NRG1: variants seen among roughly 807,000 people sequenced by gnomAD.
The protein encoded by NRG1 is neuregulin 1, also known as pro-neuregulin-1, membrane-bound isoform.
Under a neutral mutation model 63.8 loss-of-function variants are expected in NRG1, and 18 were observed. That is an observed-to-expected ratio of 0.28 (90% CI 0.19 to 0.42). The LOEUF (loss-of-function observed/expected upper bound fraction) is 0.42, where lower values mean the gene tolerates loss of function less well. Ranked by LOEUF, NRG1 falls within the 10% of genes least tolerant of loss-of-function variation. The pLI is 1.00. For missense variants in NRG1, 762 were observed against 814.7 expected (o/e 0.94, Z 0.79); for synonymous variants, 302 against 301.3 (o/e 1.00, Z -0.02).
At chr8:31,726,172 G>T (rs1471345438) in intron 1 of NRG1, among the ~76,000 whole-genome samples, 1 of 151,994 alleles carries the variant, frequency 6.6e-6, no homozygotes, top group Admixed American at 6.6e-5. Context: ...GAACAGTCTG[G>T]TACAAAGTAT....
At chr8:32,295,772 A>C (rs1854769149) in intron 1 of NRG1, among the ~76,000 whole-genome samples, 1 of 151,834 alleles carries the variant, frequency 6.6e-6, no homozygotes, top group Non-Finnish European at 1.5e-5. Flanking sequence ...ACATGGTAGA[A>C]CCTCGTCTTT....
At chr8:31,813,041 C>T (rs1823038655) in intron 1 of NRG1, among the ~76,000 whole-genome samples, 2 of 152,144 alleles carry the variant, frequency 1.3e-5, no homozygotes, top group African/African-American at 4.8e-5. Context: ...TCCACGTTCT[C>T]ATCACTCTCT....
intron 1 of NRG1, among the ~76,000 whole-genome samples, chr8:32,019,139 C>T (rs1816039695): frequency 6.6e-6 from 1 of 152,112 alleles, no homozygotes; most frequent in South Asian, 2.1e-4. Flanking sequence ...CACTCTATAA[C>T]CCAGGCTGGA....
At chr8:32,663,142 A>ATTCATCTTG (rs1444770813) in intron 5 of NRG1, among the ~76,000 whole-genome samples, 1 of 152,120 alleles carries the variant, frequency 6.6e-6, no homozygotes, top group Non-Finnish European at 1.5e-5. Context: ...TTTCTTTTTA[A>ATTCATCTTG]TTCATCTTGT....
intron 1 of NRG1, among the ~76,000 whole-genome samples, chr8:31,940,740 A>G (rs1801624309): frequency 6.6e-6 from 1 of 152,180 alleles, no homozygotes; most frequent in African/African-American, 2.4e-5. Context: ...CCATAAAAAT[A>G]CAAAAGATTA....
intron 5 of NRG1, among the ~76,000 whole-genome samples, chr8:32,618,951 G>C (rs1452904810): frequency 6.6e-6 from 1 of 152,140 alleles, no homozygotes. Context: ...GGTCGCTCAT[G>C]CCTATAATCC....
intron 1 of NRG1, among the ~76,000 whole-genome samples, chr8:31,842,093 T>C (rs556014434): frequency 6.6e-6 from 1 of 152,338 alleles, no homozygotes; most frequent in Admixed American, 6.5e-5. Context: ...GGGGGCATAG[T>C]TGTGCAAACT....
intron 1 of NRG1, among the ~76,000 whole-genome samples, chr8:32,122,637 A>AT (rs1156628173): frequency 2.6e-5 from 4 of 151,706 alleles, no homozygotes; most frequent in Non-Finnish European, 5.9e-5. Context: ...TATTATTATT[A>AT]TTATACTTTA....
intron 1 of NRG1, among the ~76,000 whole-genome samples, chr8:31,843,034 A>T (rs1247464993): frequency 6.6e-6 from 1 of 152,182 alleles, no homozygotes; most frequent in African/African-American, 2.4e-5. Flanking sequence ...TATGTAGCAA[A>T]CTATAAAGGT....
At chr8:31,672,358 TA>T (rs1430017384) in intron 1 of NRG1, among the ~76,000 whole-genome samples, 1 of 152,152 alleles carries the variant, frequency 6.6e-6, no homozygotes, top group East Asian at 1.9e-4. Context: ...TTTATTCCAT[TA>T]AAAAATGTCA....
Position 31,640,282 on chromosome 8 carries a change from A to T in NRG1, c.37+851A>T. 8.8e-7 allele frequency: 1 copy of T among 1,130,998 alleles called. No homozygotes were observed. Among genetic ancestry groups the T allele is most frequent in the Non-Finnish European group, 1.1e-6 (1 of 923,816 alleles). 70.1% of individuals were successfully genotyped at this position (1,130,998 alleles called of 1,614,324 possible). A position where few individuals can be genotyped will look rare whatever the true frequency, so the allele number is the denominator to read the frequency against. On this transcript the variant is annotated intron_variant, in intron 1 of 10. Transcript: ENST00000519301. This position sits in a 1 kb window ranked among gnomAD's most constrained non-coding sequence, Gnocchi z 6.3. ...GCGGCAGCAGGGGGCACTCGACAGG[A>T]AGGCGGCGGCGGCGGCGGGCGAGGC...
chr8:31,704,748 C>T (rs1422061734), intron 1 of NRG1, among the ~76,000 whole-genome samples: 1 of 148,460 alleles, frequency 6.7e-6, no homozygotes. Flanking sequence ...AGGAGAATGG[C>T]GTGAACCTGG....
chr8:31,791,146 T>A (rs1237813579), intron 1 of NRG1, among the ~76,000 whole-genome samples: 1 of 150,144 alleles, frequency 6.7e-6, no homozygotes, highest in Non-Finnish European at 1.5e-5. Context: ...GAGGTGGAGG[T>A]TGCAGTGAGC....
chr8:32,352,942 G>GTA (rs1805815278), intron 1 of NRG1, among the ~76,000 whole-genome samples: 1 of 111,606 alleles, frequency 9.0e-6, no homozygotes, highest in African/African-American at 2.9e-5. Context: ...ATATATATGT[G>GTA]TGTGTGTATA....
chr8:32,348,922 A>T (rs11994096), intron 1 of NRG1, among the ~76,000 whole-genome samples: 1 of 152,232 alleles, frequency 6.6e-6, no homozygotes, highest in African/African-American at 2.4e-5. Flanking sequence ...TCAGACTTTG[A>T]GGACAAGATC....
intron 5 of NRG1, among the ~76,000 whole-genome samples, chr8:32,677,324 A>T (rs1807392693): frequency 6.6e-6 from 1 of 152,254 alleles, no homozygotes; most frequent in Non-Finnish European, 1.5e-5. Context: ...ACTACAGATG[A>T]CTATTAAATT....
chr8:31,896,627 C>T (rs1408729952), intron 1 of NRG1, among the ~76,000 whole-genome samples: 1 of 152,204 alleles, frequency 6.6e-6, no homozygotes, highest in Non-Finnish European at 1.5e-5. Context: ...ACGCCCACTT[C>T]CAGGTTTCTG....
intron 1 of NRG1, among the ~76,000 whole-genome samples, chr8:32,115,437 ATGT>A (rs1241455022): frequency 2.0e-5 from 3 of 152,186 alleles, no homozygotes; most frequent in African/African-American, 7.2e-5. Context: ...GGAAAATAAA[ATGT>A]TATTAAGAAA....
intron 1 of NRG1, among the ~76,000 whole-genome samples, chr8:31,923,936 C>G (rs1834122518): frequency 6.6e-6 from 1 of 152,070 alleles, no homozygotes. Flanking sequence ...TCCATGTGCA[C>G]ACATTATTTA....
Sources: allele counts gnomAD v4.1 joint callset (sites outside exome capture counted in the v4.1 genomes callset), GRCh38; gene constraint gnomAD v4.1.1; non-coding constraint Gnocchi (gnomAD v3.1); transcripts MANE v1.5; gene names NCBI Gene and HGNC (gene_info 2026-07-23, HGNC 2026-07-21).